Variants in ASPH observed in about 807,000 individuals in gnomAD.
ASPH encodes aspartyl/asparaginyl beta-hydroxylase.
ASPH carries 100 observed loss-of-function variants against 118.4 expected under a neutral mutation model. The observed-to-expected ratio is 0.84, with a 90% CI of 0.72 to 1.00. ASPH has a LOEUF of 1.00. Ranked by LOEUF, ASPH falls within the 50% of genes least tolerant of loss-of-function variation. ASPH has a pLI of 0.00. For synonymous variants in ASPH, 315 were observed against 325.6 expected, an observed-to-expected ratio of 0.97 and a Z score of 0.35; for missense variants, 920 against 919.5, an observed-to-expected ratio of 1.00 and a Z score of -0.01.
chr8:61,673,783 T>G (rs1432413569), intron 3 of ASPH, among the ~76,000 whole-genome samples: 2 of 152,110 alleles, frequency 1.3e-5, no homozygotes, highest in Non-Finnish European at 2.9e-5. Flanking sequence ...CAGTTTATAG[T>G]GCAGAGATAA....
At position 61,500,610 on chromosome 8, in the gene ASPH, A is replaced by ACTACT. The variant is rs2129609252; in HGVS notation, c.*2744_*2748dup. On this transcript the variant is annotated 3_prime_UTR_variant, in exon 25 of 25. Transcript: ENST00000379454. Reference sequence around the variant, plus strand: ...AGTCTCCTTAGAAATGGAGTCCCCAACTACTCATTCAAAAGAAATCAGACA... The same window carrying ACTACT: ...AGTCTCCTTAGAAATGGAGTCCCCAACTACTCTACTCATTCAAAAGAAATCAGACA... The ACTACT allele has an allele frequency of 6.6e-6, 1 of 150,628 alleles. No individual in the cohort carries two copies. The highest frequency in any genetic ancestry group is 2.1e-4 in the South Asian group (1 of 4,788). The allele number at this position is 150,628 out of a possible 1,614,324, so 9.3% of individuals were successfully genotyped here. A position where few individuals can be genotyped will look rare whatever the true frequency, so the allele number is the denominator to read the frequency against.
intron 14 of ASPH, among the ~76,000 whole-genome samples, chr8:61,611,996 C>CA (rs981448434): frequency 1.1e-4 from 15 of 142,522 alleles, no homozygotes; most frequent in Non-Finnish European, 1.8e-4. Context: ...ACTAGATATG[C>CA]AAAAAAAATA....
chr8:61,660,118 AAT>A (rs1307152416), intron 3 of ASPH: 1 of 152,150 alleles, frequency 6.6e-6, no homozygotes, highest in Non-Finnish European at 1.5e-5. Context: ...CATAGTATCC[AAT>A]AGTTAGTTTT....
chr8:61,578,467 A>C, intron 15 of ASPH: 1 of 1,597,872 alleles, frequency 6.3e-7, no homozygotes, highest in Non-Finnish European at 8.6e-7. Flanking sequence ...GTGGACCCCA[A>C]CATCCAGGCT....
chr8:61,663,028 AAC>A (rs1817713758), intron 3 of ASPH: 1 of 985,340 alleles, frequency 1.0e-6, no homozygotes, highest in Admixed American at 6.1e-5. Flanking sequence ...TTCAAGAGAG[AAC>A]AAAAAATCTT....
At chr8:61,513,100 C>G (rs943388137) in intron 24 of ASPH, among the ~76,000 whole-genome samples, 1 of 152,178 alleles carries the variant, frequency 6.6e-6, no homozygotes, top group African/African-American at 2.4e-5. Flanking sequence ...AAATCTTAAT[C>G]CGATTATTAA....
intron 5 of ASPH, 74 bp from the exon 6 acceptor site, chr8:61,646,952 C>A: frequency 6.3e-7 from 1 of 1,588,816 alleles, no homozygotes; most frequent in Non-Finnish European, 8.6e-7. Context: ...GGCTGCCACA[C>A]ACCTGCTCCT....
chr8:61,577,980 C>A (rs552743093), intron 15 of ASPH, among the ~76,000 whole-genome samples: 1 of 152,314 alleles, frequency 6.6e-6, no homozygotes, highest in Admixed American at 6.5e-5. Context: ...AAGTTTAACT[C>A]ATTCCAGCAT....
chr8:61,562,749 C>G lies in ASPH; in HGVS notation c.1432G>C (p.Glu478Gln). Residue 478 changes from glutamate to glutamine, a missense_variant, in exon 18 of 25, where the codon GAA becomes CAA. By Grantham distance (29) the Glu-to-Gln change is conservative. Coordinates refer to ENST00000379454, the MANE Select transcript of ASPH (RefSeq NM_004318.4). ...AATACAAGATTGATGCTTACCTCTTCATAAACTTTCTTTGCATTGTCATTA... is the reference window on the plus strand; with the variant it reads ...AATACAAGATTGATGCTTACCTCTTGATAAACTTTCTTTGCATTGTCATTA... Reference protein sequence around the residue: ...GDNDNAKKVYEEVLSVTPNDG... With the variant: ...GDNDNAKKVYQEVLSVTPNDG... 6.2e-7 allele frequency: 1 copy of G among 1,606,202 alleles called. No homozygotes were observed. Among genetic ancestry groups the G allele is most frequent in the African/African-American group, 1.3e-5 (1 of 74,568 alleles).
rs772951162 is a variant in ASPH, at chr8:61,503,513, C to T, written c.2127-4G>A. 3 of 1,609,386 alleles carry T rather than the reference C, an allele frequency of 1.9e-6. No homozygotes were observed. ...CACCTTGCCTTCCTCCCAGGTCCTG[C>T]AGCAGAAAGACAAGGATTCCTGAAT... On this transcript the variant is annotated splice_region_variant and splice_polypyrimidine_tract_variant and intron_variant, in intron 24 of 24. Transcript: ENST00000379454.
intron 18 of ASPH, among the ~76,000 whole-genome samples, chr8:61,558,232 G>A (rs1402930055): frequency 1.3e-5 from 2 of 152,210 alleles, no homozygotes; most frequent in East Asian, 3.8e-4. Context: ...TAGGATGAGT[G>A]TGGGTGGGGC....
intron 12 of ASPH, among the ~76,000 whole-genome samples, chr8:61,637,552 T>G (rs964983364): frequency 6.6e-6 from 1 of 152,100 alleles, no homozygotes; most frequent in Non-Finnish European, 1.5e-5. Context: ...AAAAAATTTG[T>G]TTTGTTTTCC....
At chr8:61,687,344 A>T (rs993651450) in intron 1 of ASPH, 2 of 152,228 alleles carry the variant, frequency 1.3e-5, no homozygotes, top group Non-Finnish European at 2.9e-5. Context: ...TGCATGCACC[A>T]AAACAGCAAG....
intron 4 of ASPH, among the ~76,000 whole-genome samples, chr8:61,653,355 A>T (rs1421753313): frequency 1.3e-5 from 2 of 152,260 alleles, no homozygotes; most frequent in African/African-American, 4.8e-5. Context: ...ACAAAGAACA[A>T]CTGTCTGCCT....
At chr8:61,636,295 T>C (rs764110137) in intron 12 of ASPH, among the ~76,000 whole-genome samples, 3 of 152,162 alleles carry the variant, frequency 2.0e-5, no homozygotes, top group Non-Finnish European at 2.9e-5. Flanking sequence ...CAAGGGGCTA[T>C]ACAAGAGCTA....
chr8:61,647,380 A>G (rs1488968312), intron 5 of ASPH, among the ~76,000 whole-genome samples: 1 of 152,178 alleles, frequency 6.6e-6, no homozygotes, highest in Non-Finnish European at 1.5e-5. Context: ...TATCTAAATT[A>G]TATGCTAGGG....
Position 61,562,805 on chromosome 8 carries a change from T to C in ASPH, c.1376A>G (p.Asp459Gly), listed in dbSNP as rs1187371040. Residue 459 changes from aspartate (D) to glycine (G), a missense_variant, in exon 18 of 25, where the codon GAC (aspartate) becomes GGC (glycine). Coordinates refer to ENST00000379454, the MANE Select transcript of ASPH (RefSeq NM_004318.4). ...LFPNDTSLKN[D>G]LGVGYLLIGD... The stretch of plus-strand genomic sequence containing the variant: ...TATCAAGAGGTATCCCACGCCAAGG[T>C]CATTTTTTAAGGAAGTATCATTGGG... 1.2e-6 allele frequency: 2 copies of C among 1,612,886 alleles called. No individual in the cohort carries two copies. Among genetic ancestry groups the C allele is most frequent in the Non-Finnish European group, 1.7e-6 (2 of 1,179,536 alleles).
At chr8:61,700,598 T>C (rs1212056955) in intron 1 of ASPH, among the ~76,000 whole-genome samples, 1 of 152,080 alleles carries the variant, frequency 6.6e-6, no homozygotes, top group African/African-American at 2.4e-5. Context: ...TGCTTCCATA[T>C]GTCGGGCTCA....
chr8:61,571,390 CAGATG>C (rs796651878), intron 16 of ASPH, among the ~76,000 whole-genome samples: 9 of 152,026 alleles, frequency 5.9e-5, no homozygotes, highest in African/African-American at 2.2e-4. Flanking sequence ...CCTCAGTCTG[CAGATG>C]CTCAGGTTCC....
Sources: gnomAD v4.1 joint callset for allele counts (sites outside exome capture counted in the v4.1 genomes callset) on GRCh38, gnomAD v4.1.1 for gene constraint, MANE v1.5 for transcripts, NCBI Gene and HGNC (gene_info 2026-07-23, HGNC 2026-07-21) for gene names.